Variants in SNTG2 observed in about 807,000 individuals in gnomAD.
SNTG2 encodes the protein syntrophin gamma 2, also known as gamma-2-syntrophin.
A neutral mutation model predicts 70.9 loss-of-function variants in SNTG2; 74 were observed. The observed-to-expected ratio is 1.04, with a 90% CI of 0.86 to 1.27. The LOEUF is 1.27. Among genes scored for constraint, SNTG2 ranks in the 50% most tolerant of loss-of-function variants. The probability of loss-of-function intolerance (pLI) is 0.00; values close to 1 mark genes in which losing one functional copy is unlikely to be tolerated. For synonymous variants in SNTG2, 278 were observed against 273.8 expected (o/e 1.02, Z -0.15); for missense variants, 717 against 690.7 (o/e 1.04, Z -0.43).
At chr2:1,019,742 G>A (rs61704175) in intron 1 of SNTG2, among the ~76,000 whole-genome samples, 238 of 151,974 alleles carry the variant, frequency 1.6e-3, no homozygotes, top group African/African-American at 5.5e-3. Flanking sequence ...CGAGGTGGGC[G>A]ACCTGGTATT....
At chr2:1,134,863 GC>G (rs1668269441) in intron 4 of SNTG2, among the ~76,000 whole-genome samples, 1 of 152,178 alleles carries the variant, frequency 6.6e-6, no homozygotes, top group African/African-American at 2.4e-5. Context: ...CCCGAGCCCT[GC>G]CCCGCGGGGA....
intron 2 of SNTG2, among the ~76,000 whole-genome samples, chr2:1,093,243 T>C (rs2148197373): frequency 6.6e-6 from 1 of 152,292 alleles, no homozygotes; most frequent in African/African-American, 2.4e-5. Context: ...GGGAGAGCAT[T>C]GAGGCAGCGG....
At chr2:1,303,881 C>T (rs955900947) in intron 14 of SNTG2, among the ~76,000 whole-genome samples, 3 of 152,172 alleles carry the variant, frequency 2.0e-5, no homozygotes, top group Non-Finnish European at 4.4e-5. Flanking sequence ...ACTGTTTCCT[C>T]GTAAACCACG....
chr2:983,796 CT>C (rs2147970268), intron 1 of SNTG2, among the ~76,000 whole-genome samples: 1 of 152,300 alleles, frequency 6.6e-6, no homozygotes, highest in East Asian at 1.9e-4. Context: ...ATACTTCTCA[CT>C]TGTGGGCACC....
rs186030759 is a variant in SNTG2 at position 989,980 on chromosome 2, C to T, written c.72+38912C>T. Among the ~76,000 whole-genome samples, 46 of 152,362 alleles carry T rather than the reference C, an allele frequency of 3.0e-4. 1 individual carries two copies. The highest frequency in any genetic ancestry group is 1.2e-3 in the Admixed American group (19 of 15,314). On this transcript the variant is annotated intron_variant, in intron 1 of 16. Coordinates refer to ENST00000308624, the MANE Select transcript of SNTG2 (RefSeq NM_018968.4). ...CCAGGACAGGGGTGGCATCCAGTCA[C>T]GGCTCCGCTCTGTGTCCTGCCCTGA...
Position 1,066,993 on chromosome 2 carries a change from C to T in SNTG2, c.73-16525C>T, listed in dbSNP as rs551767051. On this transcript the variant is annotated intron_variant, in intron 1 of 16. Coordinates refer to ENST00000308624, the MANE Select transcript of SNTG2 (RefSeq NM_018968.4). ...TGTACGTTTGTTAGCTGTTCCTGGG[C>T]CAAATGCATTGTTGCTGTTGCGAGT... Among the ~76,000 whole-genome samples, 44 of 152,270 alleles carry T rather than the reference C, an allele frequency of 2.9e-4. 2 individuals are homozygous for T. The highest frequency in any genetic ancestry group is 1.0e-3 in the African/African-American group (43 of 41,544).
chr2:1,215,735 T>A (rs1674345914), intron 9 of SNTG2, among the ~76,000 whole-genome samples: 1 of 131,442 alleles, frequency 7.6e-6, no homozygotes, highest in Admixed American at 8.4e-5. Flanking sequence ...CCCTGGTGTG[T>A]GATGTTCCCC....
chr2:1,057,520 C>T (rs1432742123), intron 1 of SNTG2, among the ~76,000 whole-genome samples: 1 of 152,086 alleles, frequency 6.6e-6, no homozygotes, highest in African/African-American at 2.4e-5. Context: ...GCATCCAGTG[C>T]GGGAGAAAGA....
chr2:1,310,303 T>C (rs1443652760), intron 15 of SNTG2, among the ~76,000 whole-genome samples: 2 of 152,162 alleles, frequency 1.3e-5, no homozygotes, highest in East Asian at 3.9e-4. Flanking sequence ...GGCATTTATC[T>C]GTACCTGTGT....
intron 1 of SNTG2, among the ~76,000 whole-genome samples, chr2:1,056,959 A>T (rs1460650390): frequency 1.5e-4 from 1 of 6,646 alleles, no homozygotes; most frequent in Non-Finnish European, 3.4e-4. Flanking sequence ...CGCTGTGGGG[A>T]GGGAGGGAGG....
intron 16 of SNTG2, among the ~76,000 whole-genome samples, chr2:1,361,916 A>G (rs113274251): frequency 7.1e-4 from 14 of 19,616 alleles, no homozygotes; most frequent in Middle Eastern, 0.059. Context: ...GAAGGTCACC[A>G]ACGCTGAGCA....
rs141300020 is a variant in SNTG2, at chr2:1,135,691, C to T, written c.326-1931C>T. 4.8e-3 allele frequency among the ~76,000 whole-genome samples: 725 copies of T among 152,322 alleles called. 4 individuals are homozygous for T. Among genetic ancestry groups the T allele is most frequent in the Middle Eastern group, 0.02 (6 of 294 alleles). On this transcript the variant is annotated intron_variant, in intron 4 of 16. Coordinates refer to ENST00000308624, the MANE Select transcript of SNTG2 (RefSeq NM_018968.4). ...GAGCCAGGGTCGCGCCACTGCACTT[C>T]AGACTGGGTGACAAGTGCAAGACTC...
At chr2:1,267,298 C>A in intron 13 of SNTG2, 67 bp from the exon 14 acceptor site, 1 of 1,449,366 alleles carries the variant, frequency 6.9e-7, no homozygotes, top group Non-Finnish European at 9.5e-7. Flanking sequence ...TCTCCCCACA[C>A]CAGGGCCCTC....
At position 1,222,015 on chromosome 2, in the gene SNTG2, C is replaced by CTG. The variant is rs1675090631; in HGVS notation, c.719+12786_719+12787insGT. ...TCTCTGTCTCTGTCTCTCTCTGTCT[C>CTG]TCTCTGTCTCTGCCTATCTCTGTCT... On this transcript the variant is annotated intron_variant, in intron 9 of 16. Transcript: ENST00000308624. Among the ~76,000 whole-genome samples the CTG allele has an allele frequency of 3.0e-4, 22 of 73,928 alleles. 6 individuals are homozygous for CTG. Among genetic ancestry groups the CTG allele is most frequent in the South Asian group, 8.2e-4 (2 of 2,430 alleles). The allele number at this position is 73,928 out of a possible 152,430, so 48.5% of individuals were successfully genotyped here.
At chr2:1,319,578 G>A (rs1047019386) in intron 16 of SNTG2, among the ~76,000 whole-genome samples, 2 of 152,196 alleles carry the variant, frequency 1.3e-5, no homozygotes, top group Non-Finnish European at 2.9e-5. Flanking sequence ...GTGACCCGAG[G>A]GCCCTGGGCA....
At chr2:1,172,553 T>G (rs1429323432) in intron 7 of SNTG2, among the ~76,000 whole-genome samples, 4 of 152,226 alleles carry the variant, frequency 2.6e-5, no homozygotes, top group African/African-American at 9.6e-5. Flanking sequence ...TGAAGATCTA[T>G]GAACTGGCTT....
intron 8 of SNTG2, among the ~76,000 whole-genome samples, chr2:1,186,056 G>C (rs567689273): frequency 6.6e-6 from 1 of 152,160 alleles, no homozygotes; most frequent in Admixed American, 6.5e-5. Context: ...CATCTTGAAT[G>C]CTTTGCTGCT....
chr2:1,129,816 C>T (rs1037823253), intron 4 of SNTG2, among the ~76,000 whole-genome samples: 1 of 152,096 alleles, frequency 6.6e-6, no homozygotes, highest in Non-Finnish European at 1.5e-5. Context: ...GTTTATTGAG[C>T]CTGGACAATG....
At chr2:1,043,569 C>T (rs1190546151) in intron 1 of SNTG2, among the ~76,000 whole-genome samples, 2 of 151,926 alleles carry the variant, frequency 1.3e-5, no homozygotes, top group Non-Finnish European at 2.9e-5. Flanking sequence ...GTCTTTAATC[C>T]ATCTTAAGTT....
Sources: gnomAD v4.1 joint callset for allele counts (sites outside exome capture counted in the v4.1 genomes callset) on GRCh38, gnomAD v4.1.1 for gene constraint, MANE v1.5 for transcripts, NCBI Gene and HGNC (gene_info 2026-07-23, HGNC 2026-07-21) for gene names.